The following PCDH1 variants were observed in gnomAD, a reference collection of about 807,000 sequenced individuals.
PCDH1 encodes the protein protocadherin-1.
PCDH1 carries 23 observed loss-of-function variants against 74.6 expected under a neutral mutation model. The observed-to-expected ratio is 0.31, with a 90% CI of 0.22 to 0.44. The LOEUF (loss-of-function observed/expected upper bound fraction) is 0.44, where lower values mean the gene tolerates loss of function less well. Ranked by LOEUF, PCDH1 falls within the 20% of genes least tolerant of loss-of-function variation. The probability of loss-of-function intolerance (pLI) is 1.00; values close to 1 mark genes in which losing one functional copy is unlikely to be tolerated. For missense variants in PCDH1, 1,214 were observed against 1,641.4 expected (o/e 0.74, Z 4.50); for synonymous variants, 647 against 686.1 (o/e 0.94, Z 0.89).
chr5:141,873,293 A>ATT (rs548141067), intron 1 of PCDH1, among the ~76,000 whole-genome samples: 3 of 123,528 alleles, frequency 2.4e-5, no homozygotes, highest in South Asian at 2.6e-4. Flanking sequence ...GCCCGGCTAA[A>ATT]TTTTTTTTTT....
At chr5:141,860,777 A>G (rs1216823767) in intron 3 of PCDH1, among the ~76,000 whole-genome samples, 1 of 152,224 alleles carries the variant, frequency 6.6e-6, no homozygotes, top group African/African-American at 2.4e-5. Context: ...ACTAATTCAC[A>G]CAAAGTGCTT....
chr5:141,856,333 ACT>A (rs1162781050), intron 4 of PCDH1: 19 of 1,138,914 alleles, frequency 1.7e-5, no homozygotes, highest in Non-Finnish European at 2.3e-5. Flanking sequence ...GGTGGAGGGC[ACT>A]CTGAGACCTA....
intron 1 of PCDH1, among the ~76,000 whole-genome samples, chr5:141,870,390 G>A (rs572281497): frequency 6.6e-6 from 1 of 152,288 alleles, no homozygotes; most frequent in South Asian, 2.1e-4. Flanking sequence ...GTCAAGATTG[G>A]GGTCAGAACT....
In PCDH1 at chr5:141,853,970, G is replaced by A. The variant is rs1562472814; in HGVS notation, c.*72C>T. Reference sequence around the variant, plus strand: ...AGTCCACGCTGAAGGGGTGGAGAGTGAGGCCCTGGAATGGGCCATTTGGGA... The same window carrying A: ...AGTCCACGCTGAAGGGGTGGAGAGTAAGGCCCTGGAATGGGCCATTTGGGA... On this transcript the variant is annotated 3_prime_UTR_variant, in exon 5 of 5. Transcript: ENST00000287008. The A allele has an allele frequency of 3.8e-6, 5 of 1,331,704 alleles. No homozygotes were observed. The East Asian group carries it at 1.2e-4, about 33-fold the overall frequency. 82.5% of individuals were successfully genotyped at this position (1,331,704 alleles called of 1,614,324 possible). A position where few individuals can be genotyped will look rare whatever the true frequency, so the allele number is the denominator to read the frequency against.
chr5:141,869,029 C>A lies in PCDH1; in HGVS notation c.443G>T (p.Ser148Ile), dbSNP rs763718911. Reference protein sequence around the residue: ...VSITDLVQNGSPRLLEGQIEV... With the variant: ...VSITDLVQNGIPRLLEGQIEV... ...TATCTGGCCCTCTAGCAGCCGGGGG[C>A]TGCCATTCTGCACGAGGTCTGTGAT... Residue 148 changes from serine (S) to isoleucine (I), a missense_variant, in exon 2 of 5, where the codon AGC becomes ATC. This residue lies in a region of PCDH1 where 97 missense variants were observed against 173.2 expected (regional missense o/e 0.56). Coordinates refer to ENST00000287008, the MANE Select transcript of PCDH1 (RefSeq NM_032420.5). The surrounding 1 kb of genome is among the most constrained non-coding windows in gnomAD (Gnocchi z 4.9). 1.5e-5 allele frequency: 24 copies of A among 1,614,026 alleles called. No individual in the cohort carries two copies. The East Asian group carries it at 4.7e-4, about 31-fold the overall frequency.
rs992759580 is a variant in PCDH1 at position 141,866,017 on chromosome 5, A to G, written c.904-590T>C. 1.1e-5 allele frequency: 11 copies of G among 987,804 alleles called. No homozygotes were observed. In the African/African-American group the frequency reaches 1.9e-4, roughly 17 times the overall value. The allele number at this position is 987,804 out of a possible 1,614,324, so 61.2% of individuals were successfully genotyped here. A position where few individuals can be genotyped will look rare whatever the true frequency, so the allele number is the denominator to read the frequency against. On this transcript the variant is annotated intron_variant, in intron 2 of 4. Transcript: ENST00000287008. The stretch of plus-strand genomic sequence containing the variant: ...TGTGATTATGTGTGATTTTTGTGTG[A>G]GAAGGTATATGTGTTTGTGCATATG...
chr5:141,860,060 G>A (rs1453605887), intron 3 of PCDH1, among the ~76,000 whole-genome samples: 1 of 152,130 alleles, frequency 6.6e-6, no homozygotes, highest in Non-Finnish European at 1.5e-5. Context: ...CCTGTGAGGA[G>A]GCAGGGGACC....
In PCDH1 at chr5:141,854,451, G is replaced by A. The variant is rs369919184; in HGVS notation, c.3320-15C>T. 24 of 1,583,648 alleles carry A rather than the reference G, an allele frequency of 1.5e-5. No individual in the cohort carries two copies. In the African/African-American group the frequency reaches 1.6e-4, roughly 11 times the overall value. ...AGGGCGAAGGTCTGTAGGAGGGAGC[G>A]GGGAAGGACAATTGTCAGACATACA... is the stretch of plus-strand genomic sequence containing the variant. On this transcript the variant is annotated splice_polypyrimidine_tract_variant and intron_variant, in intron 4 of 4. Coordinates refer to ENST00000287008, the MANE Select transcript of PCDH1 (RefSeq NM_032420.5).
At position 141,878,135 on chromosome 5, in the gene PCDH1, C is replaced by A; in HGVS notation, c.40+88G>T. Reference sequence around the variant, plus strand: ...CGTGTTGGGCCCCCGCGGCCTCGCTCCGCCGAGCGCCCCTCCCTCAGCTCC... The same window carrying A: ...CGTGTTGGGCCCCCGCGGCCTCGCTACGCCGAGCGCCCCTCCCTCAGCTCC... On this transcript the variant is annotated intron_variant, in intron 1 of 4. Coordinates refer to ENST00000287008, the MANE Select transcript of PCDH1 (RefSeq NM_032420.5). This position sits in a 1 kb window ranked among gnomAD's most constrained non-coding sequence, Gnocchi z 5.5. The A allele has an allele frequency of 7.9e-7, 1 of 1,262,802 alleles. No homozygotes were observed. The highest frequency in any genetic ancestry group is 1.7e-5 in the South Asian group (1 of 59,480). The allele number at this position is 1,262,802 out of a possible 1,614,324, so 78.2% of individuals were successfully genotyped here.
In PCDH1 at chr5:141,878,139, C is replaced by T. The variant is rs958341777; in HGVS notation, c.40+84G>A. 68 of 1,289,208 alleles carry T rather than the reference C, an allele frequency of 5.3e-5. No homozygotes were observed. The highest frequency in any genetic ancestry group is 6.8e-5 in the Non-Finnish European group (67 of 988,914). The allele number at this position is 1,289,208 out of a possible 1,614,324, so 79.9% of individuals were successfully genotyped here. A position where few individuals can be genotyped will look rare whatever the true frequency, so the allele number is the denominator to read the frequency against. ...TTGGGCCCCCGCGGCCTCGCTCCGCCGAGCGCCCCTCCCTCAGCTCCCGCC... is the reference window on the plus strand; with the variant it reads ...TTGGGCCCCCGCGGCCTCGCTCCGCTGAGCGCCCCTCCCTCAGCTCCCGCC... On this transcript the variant is annotated intron_variant, in intron 1 of 4. Transcript: ENST00000287008. This position sits in a 1 kb window ranked among gnomAD's most constrained non-coding sequence, Gnocchi z 5.5.
intron 3 of PCDH1, among the ~76,000 whole-genome samples, chr5:141,859,910 C>T (rs931169146): frequency 2.6e-5 from 4 of 152,216 alleles, no homozygotes; most frequent in Admixed American, 2.0e-4. Flanking sequence ...CACCTATGTC[C>T]TCTACAACCT....
In PCDH1 at chr5:141,854,044, A is replaced by T; in HGVS notation, c.3712T>A (p.Ter1238ArgextTer117). ...AQTAKREIYL[*>R] ...GGGCCGGCCGGCCAGTAGGGGGCTC[A>T]CAGGTAGATCTCGCGCTTGGCCGTC... Residue 1238 changes from the stop codon to arginine, a stop_lost, in exon 5 of 5, where the codon TGA (stop) becomes AGA (arginine). Transcript: ENST00000287008. The T allele has an allele frequency of 6.7e-7, 1 of 1,503,100 alleles. No individual in the cohort carries two copies. Among genetic ancestry groups the T allele is most frequent in the Non-Finnish European group, 8.9e-7 (1 of 1,126,318 alleles). The allele number at this position is 1,503,100 out of a possible 1,614,324, so 93.1% of individuals were successfully genotyped here.
At position 141,854,106 on chromosome 5, in the gene PCDH1, G is replaced by A. The variant is rs772924830; in HGVS notation, c.3650C>T (p.Ser1217Leu). Residue 1217 changes from serine to leucine, a missense_variant, in exon 5 of 5, where the codon TCG (serine) becomes TTG (leucine). Around this residue, in one of 4 missense-constraint regions of PCDH1, gnomAD observed 194 missense variants for 198.3 expected, o/e 0.98. Transcript: ENST00000287008. ...CGGTGTGGCTGCGGGTGGGAAGTCC[G>A]AGGTCTGGGTCAGGGGGATTTCCTC... is the stretch of plus-strand genomic sequence containing the variant. ...TLEEIPLTQTSDFPPAATPAS... is the reference protein window; with the variant it reads ...TLEEIPLTQTLDFPPAATPAS... The A allele has an allele frequency of 1.9e-6, 3 of 1,563,018 alleles. No homozygotes were observed. Among genetic ancestry groups the A allele is most frequent in the Admixed American group, 3.7e-5 (2 of 54,444 alleles).
chr5:141,873,544 T>G (rs1753148143), intron 1 of PCDH1, among the ~76,000 whole-genome samples: 1 of 151,398 alleles, frequency 6.6e-6, no homozygotes. Context: ...CCTGCCAGGT[T>G]CACGCCATTC....
Position 141,869,076 on chromosome 5 carries a change from G to A in PCDH1, c.396C>T (p.Cys132=), listed in dbSNP as rs1269621582. The A allele has an allele frequency of 5.6e-6, 9 of 1,613,856 alleles. No individual in the cohort carries two copies. Among genetic ancestry groups the A allele is most frequent in the Non-Finnish European group, 7.6e-6 (9 of 1,180,026 alleles). ...ECQNQLPGDP[C]ILEFEVSITD... ...TGATAGATACCTCAAACTCCAGGAT[G>A]CAGGGATCACCAGGGAGCTGGTTCT... is the stretch of plus-strand genomic sequence containing the variant. Residue 132 remains cysteine, a synonymous_variant, in exon 2 of 5, where the codon TGC becomes TGT. Coordinates refer to ENST00000287008, the MANE Select transcript of PCDH1 (RefSeq NM_032420.5). This position sits in a 1 kb window ranked among gnomAD's most constrained non-coding sequence, Gnocchi z 4.9.
chr5:141,857,652 C>T (rs967310700), intron 3 of PCDH1, among the ~76,000 whole-genome samples, 181 bp from the exon 4 acceptor site: 4 of 152,106 alleles, frequency 2.6e-5, no homozygotes, highest in Non-Finnish European at 4.4e-5. Flanking sequence ...AAAGACAGCT[C>T]CTGAGTTCTA....
chr5:141,876,802 C>T (rs569558700), intron 1 of PCDH1, among the ~76,000 whole-genome samples: 9 of 151,882 alleles, frequency 5.9e-5, no homozygotes, highest in Admixed American at 2.6e-4. Flanking sequence ...GTGTGGGACC[C>T]AGGTGTGCTG....
Position 141,856,202 on chromosome 5 carries a change from C to T in PCDH1, c.3319+1050G>A, listed in dbSNP as rs1267356490. On this transcript the variant is annotated intron_variant, in intron 4 of 4. Transcript: ENST00000287008. ...TGGGCAGAGTCCCACAGACCCCAGA[C>T]CCCAGAGCAGTTCCCACATACCTGG... The T allele has an allele frequency of 1.0e-5, 16 of 1,535,134 alleles. No homozygotes were observed. In the Admixed American group the frequency reaches 3.1e-4, roughly 30 times the overall value.
At chr5:141,857,602 C>A in intron 3 of PCDH1, 131 bp from the exon 4 acceptor site, 1 of 676,128 alleles carries the variant, frequency 1.5e-6, no homozygotes, top group African/African-American at 1.8e-5. Context: ...GACCCAGGCC[C>A]CAGCACAGCA....
Sources: gnomAD v4.1 joint callset for allele counts (sites outside exome capture counted in the v4.1 genomes callset) on GRCh38, gnomAD v4.1.1 for gene constraint, gnomAD v4.1.1 regional missense constraint, Gnocchi (gnomAD v3.1) non-coding constraint, MANE v1.5 for transcripts, NCBI Gene and HGNC (gene_info 2026-07-23, HGNC 2026-07-21) for gene names.